RIMS2: variants seen among roughly 807,000 people sequenced by gnomAD.
RIMS2 encodes regulating synaptic membrane exocytosis 2.
Under a neutral mutation model 174.4 loss-of-function variants are expected in RIMS2, and 59 were observed. That is an observed-to-expected ratio of 0.34 (90% CI 0.27 to 0.42). RIMS2 has a LOEUF of 0.42. Among genes scored for constraint, RIMS2 ranks in the 10% least tolerant of loss-of-function variants. The pLI is 1.00. For missense variants in RIMS2, 1,620 were observed against 1,666.3 expected (o/e 0.97, Z 0.48); for synonymous variants, 606 against 572.5 (o/e 1.06, Z -0.84).
intron 1 of RIMS2, among the ~76,000 whole-genome samples, chr8:103,628,574 G>A (rs576371912): frequency 4.8e-4 from 73 of 151,772 alleles, no homozygotes; most frequent in Non-Finnish European, 8.8e-5. Flanking sequence ...GGCTGGTCTC[G>A]AACTCCTGAC....
At chr8:103,828,121 T>C (rs2098803133) in intron 3 of RIMS2, among the ~76,000 whole-genome samples, 1 of 152,198 alleles carries the variant, frequency 6.6e-6, no homozygotes. Flanking sequence ...AGGTTTTTTT[T>C]GCATCTATGT....
downstream of RIMS2, chr8:104,253,907 A>G (rs1306067578): frequency 1.3e-5 from 2 of 152,224 alleles, no homozygotes; most frequent in Non-Finnish European, 2.9e-5. Flanking sequence ...AATATGAAAT[A>G]CACCAAGACT....
intron 19 of RIMS2, chr8:104,094,851 T>C: frequency 1.8e-6 from 1 of 559,858 alleles, no homozygotes; most frequent in Non-Finnish European, 3.1e-6. Flanking sequence ...TAGCTTCTAA[T>C]ATTACTAATT....
chr8:103,859,930 C>T (rs1257652074), intron 3 of RIMS2, among the ~76,000 whole-genome samples: 3 of 152,032 alleles, frequency 2.0e-5, no homozygotes, highest in Admixed American at 2.0e-4. Context: ...TGGACAGACT[C>T]TATCACTTGG....
At chr8:104,110,599 A>C (rs987497649) in intron 19 of RIMS2, among the ~76,000 whole-genome samples, 1 of 152,306 alleles carries the variant, frequency 6.6e-6, no homozygotes, top group South Asian at 2.1e-4. Flanking sequence ...TATTCCAGCT[A>C]TGTGAATCTG....
intron 1 of RIMS2, among the ~76,000 whole-genome samples, chr8:103,511,799 T>A (rs565383869): frequency 3.3e-5 from 5 of 152,316 alleles, no homozygotes; most frequent in Non-Finnish European, 7.4e-5. Context: ...GACATTTTGA[T>A]ATAAAGTATT....
intron 19 of RIMS2, among the ~76,000 whole-genome samples, chr8:104,138,151 T>G (rs2098536970): frequency 6.6e-6 from 1 of 152,220 alleles, no homozygotes; most frequent in African/African-American, 2.4e-5. Flanking sequence ...TGAATAGTAC[T>G]CCATTGTATG....
intron 4 of RIMS2, among the ~76,000 whole-genome samples, chr8:103,896,777 C>T (rs1422573538): frequency 1.3e-5 from 2 of 151,692 alleles, no homozygotes; most frequent in Admixed American, 6.6e-5. Context: ...GATTCTGAAC[C>T]AGTGCACCTA....
chr8:103,938,723 G>C (rs1203760532), intron 13 of RIMS2, among the ~76,000 whole-genome samples: 1 of 152,178 alleles, frequency 6.6e-6, no homozygotes, highest in Non-Finnish European at 1.5e-5. Flanking sequence ...CTGCCTATGA[G>C]ACTGTGTAAT....
chr8:104,006,984 G>C (rs370169326), intron 17 of RIMS2, among the ~76,000 whole-genome samples: 2 of 152,052 alleles, frequency 1.3e-5, no homozygotes, highest in East Asian at 3.9e-4. Context: ...AGAAAACACA[G>C]TTCAGTGAAA....
chr8:103,730,318 T>C (rs1201787341), intron 2 of RIMS2, among the ~76,000 whole-genome samples: 1 of 152,202 alleles, frequency 6.6e-6, no homozygotes, highest in Non-Finnish European at 1.5e-5. Context: ...ATATTTGCCT[T>C]CTATTTCTGG....
chr8:103,899,870 T>G (rs868057851), intron 4 of RIMS2, among the ~76,000 whole-genome samples: 1 of 151,842 alleles, frequency 6.6e-6, no homozygotes, highest in African/African-American at 2.4e-5. Flanking sequence ...ATTTAAGTCT[T>G]TAATCCATCT....
chr8:103,699,899 T>C (rs954151566), intron 2 of RIMS2, among the ~76,000 whole-genome samples: 4 of 152,216 alleles, frequency 2.6e-5, no homozygotes, highest in African/African-American at 9.6e-5. Flanking sequence ...ATCTTTTTGT[T>C]AATGATTTCT....
intron 19 of RIMS2, among the ~76,000 whole-genome samples, chr8:104,145,671 C>CAGTAAATAAATA (rs2098630667): frequency 7.5e-6 from 1 of 132,678 alleles, no homozygotes; most frequent in African/African-American, 2.9e-5. Flanking sequence ...ACTAAAAATA[C>CAGTAAATAAATA]AATAAATAAA....
At chr8:103,828,538 T>C (rs2098805651) in intron 3 of RIMS2, among the ~76,000 whole-genome samples, 4 of 152,140 alleles carry the variant, frequency 2.6e-5, no homozygotes, top group Non-Finnish European at 4.4e-5. Flanking sequence ...TAGGTGTCTG[T>C]TGATAATTTC....
chr8:103,868,382 T>G, intron 3 of RIMS2, among the ~76,000 whole-genome samples: 1 of 152,068 alleles, frequency 6.6e-6, no homozygotes, highest in Non-Finnish European at 1.5e-5. Context: ...ATTAAAAAAA[T>G]AAAATACAAT....
chr8:104,099,517 G>T (rs1236712265), intron 19 of RIMS2, among the ~76,000 whole-genome samples: 1 of 152,162 alleles, frequency 6.6e-6, no homozygotes, highest in Non-Finnish European at 1.5e-5. Flanking sequence ...CACTCCTAAA[G>T]TTGTGATTCT....
At chr8:103,731,080 A>G (rs1193151320) in intron 2 of RIMS2, among the ~76,000 whole-genome samples, 2 of 152,122 alleles carry the variant, frequency 1.3e-5, no homozygotes, top group Non-Finnish European at 2.9e-5. Flanking sequence ...CTTATTCACT[A>G]TCATGAGGTC....
chr8:103,597,350 C>G (rs2094518032), intron 1 of RIMS2, among the ~76,000 whole-genome samples: 1 of 152,114 alleles, frequency 6.6e-6, no homozygotes, highest in Admixed American at 6.6e-5. Flanking sequence ...GGCTTTTTTA[C>G]TTTCTGGCAT....
Sources: gnomAD v4.1 joint callset for allele counts (sites outside exome capture counted in the v4.1 genomes callset) on GRCh38, gnomAD v4.1.1 for gene constraint, MANE v1.5 for transcripts, NCBI Gene and HGNC (gene_info 2026-07-23, HGNC 2026-07-21) for gene names.